The following GFRA1 variants were observed in gnomAD, a reference collection of about 807,000 sequenced individuals.
GFRA1 encodes the protein GDNF family receptor alpha 1.
In GFRA1, 16 loss-of-function variants were observed where a neutral mutation model predicts 51.6. The ratio of observed to expected loss-of-function variants is 0.31; its 90% CI spans 0.21 to 0.47. GFRA1 has a LOEUF of 0.47. Among genes scored for constraint, GFRA1 ranks in the 20% least tolerant of loss-of-function variants. The probability of loss-of-function intolerance (pLI) is 1.00; values close to 1 mark genes in which losing one functional copy is unlikely to be tolerated. For synonymous variants in GFRA1, 270 were observed against 241.3 expected (o/e 1.12, Z -1.10); for missense variants, 530 against 594.3 (o/e 0.89, Z 1.13).
At chr10:116,254,121 G>A (rs1442610384) in intron 4 of GFRA1, among the ~76,000 whole-genome samples, 1 of 151,858 alleles carries the variant, frequency 6.6e-6, no homozygotes, top group African/African-American at 2.4e-5. Context: ...AGGAGTTTGA[G>A]ACCAGCCTGG....
chr10:116,233,341 A>T (rs10885881), intron 4 of GFRA1, among the ~76,000 whole-genome samples: 87,982 of 151,414 alleles, frequency 0.58, 25,587 homozygotes, highest in African/African-American at 0.62. Context: ...AAAAAAAAAA[A>T]TTTTTTAATT....
At chr10:116,261,083 G>GTCA (rs1227048122) in intron 4 of GFRA1, among the ~76,000 whole-genome samples, 2 of 152,138 alleles carry the variant, frequency 1.3e-5, no homozygotes, top group African/African-American at 4.8e-5. Context: ...CTTAACTAAA[G>GTCA]TCAATGGCTG....
At chr10:116,086,760 C>A (rs1324347535) in intron 9 of GFRA1, among the ~76,000 whole-genome samples, 2 of 152,206 alleles carry the variant, frequency 1.3e-5, no homozygotes, top group African/African-American at 4.8e-5. Flanking sequence ...GCCTTCATGT[C>A]CCCCTCTGCC....
At chr10:116,076,066 T>G (rs1417424263) in intron 9 of GFRA1, among the ~76,000 whole-genome samples, 1 of 151,674 alleles carries the variant, frequency 6.6e-6, no homozygotes, top group East Asian at 1.9e-4. Context: ...TTAAAGTGAG[T>G]GTCGGACTGG....
chr10:116,227,374 T>C (rs1966374770), intron 4 of GFRA1, among the ~76,000 whole-genome samples: 1 of 152,152 alleles, frequency 6.6e-6, no homozygotes, highest in African/African-American at 2.4e-5. Context: ...AAGAAAGAAG[T>C]GGAGATGAAG....
intron 4 of GFRA1, among the ~76,000 whole-genome samples, chr10:116,268,486 T>G (rs1969846141): frequency 1.3e-5 from 2 of 152,198 alleles, no homozygotes; most frequent in South Asian, 4.1e-4. Flanking sequence ...CAGTAGGTGC[T>G]CAATGGATGT....
intron 6 of GFRA1, among the ~76,000 whole-genome samples, chr10:116,096,986 C>T (rs1332428183): frequency 6.6e-6 from 1 of 152,106 alleles, no homozygotes; most frequent in East Asian, 1.9e-4. Flanking sequence ...TTTCCCCAGC[C>T]CTCGCCCACC....
At chr10:116,248,051 G>C (rs1385478510) in intron 4 of GFRA1, among the ~76,000 whole-genome samples, 1 of 152,200 alleles carries the variant, frequency 6.6e-6, no homozygotes, top group Non-Finnish European at 1.5e-5. Flanking sequence ...ACAGGGGTTT[G>C]CTGTCCTCTT....
chr10:116,222,600 G>A (rs1021315071), intron 4 of GFRA1, among the ~76,000 whole-genome samples: 1 of 152,196 alleles, frequency 6.6e-6, no homozygotes, highest in African/African-American at 2.4e-5. Flanking sequence ...GTGATATGGG[G>A]CTGTTGTGAA....
At chr10:116,239,851 G>C (rs1473300866) in intron 4 of GFRA1, among the ~76,000 whole-genome samples, 1 of 152,120 alleles carries the variant, frequency 6.6e-6, no homozygotes, top group African/African-American at 2.4e-5. Flanking sequence ...CAAAATTTTT[G>C]AGAGTTAAAT....
chr10:116,238,591 T>C (rs943368897), intron 4 of GFRA1, among the ~76,000 whole-genome samples: 3 of 152,216 alleles, frequency 2.0e-5, no homozygotes, highest in Non-Finnish European at 2.9e-5. Context: ...GCTGTCTTGA[T>C]GGATAATAAG....
At chr10:116,273,425 G>GC (rs1283871219), upstream of GFRA1, 2 of 152,186 alleles carry the variant, frequency 1.3e-5, no homozygotes, top group African/African-American at 2.4e-5. Flanking sequence ...TGGAAGCGGC[G>GC]CGGAGAATGG....
At chr10:116,182,729 G>A (rs768472290) in intron 5 of GFRA1, among the ~76,000 whole-genome samples, 13 of 152,188 alleles carry the variant, frequency 8.5e-5, no homozygotes, top group Admixed American at 3.3e-4. Flanking sequence ...GGAGATAAAC[G>A]CAATGAACCT....
At position 116,093,640 on chromosome 10, in the gene GFRA1, C is replaced by T. The variant is rs539309837; in HGVS notation, c.1015+62G>A. 1.3e-5 allele frequency: 19 copies of T among 1,470,700 alleles called. No homozygotes were observed. In the Admixed American group the frequency reaches 2.2e-4, roughly 17 times the overall value. 91.1% of individuals were successfully genotyped at this position (1,470,700 alleles called of 1,614,324 possible). A position where few individuals can be genotyped will look rare whatever the true frequency, so the allele number is the denominator to read the frequency against. ...GTACAGGCACAAGGTACAAGAGGTACAGCTGGAGCTCGGAGAAGAAAATGC... is the reference window on the plus strand; with the variant it reads ...GTACAGGCACAAGGTACAAGAGGTATAGCTGGAGCTCGGAGAAGAAAATGC... On this transcript the variant is annotated intron_variant, in intron 8 of 10. Coordinates refer to ENST00000355422, the MANE Select transcript of GFRA1 (RefSeq NM_005264.8).
At chr10:116,183,746 C>G (rs999333476) in intron 5 of GFRA1, among the ~76,000 whole-genome samples, 5 of 152,212 alleles carry the variant, frequency 3.3e-5, no homozygotes, top group African/African-American at 1.2e-4. Flanking sequence ...ACACTCAGCA[C>G]CTTGCTCCCA....
At chr10:116,197,621 C>G (rs1486560500) in intron 5 of GFRA1, among the ~76,000 whole-genome samples, 1 of 152,168 alleles carries the variant, frequency 6.6e-6, no homozygotes, top group Non-Finnish European at 1.5e-5. Context: ...AAGACATCGA[C>G]TAACCCTATT....
At chr10:116,220,011 T>C (rs1041388377) in intron 4 of GFRA1, among the ~76,000 whole-genome samples, 1 of 152,180 alleles carries the variant, frequency 6.6e-6, no homozygotes, top group African/African-American at 2.4e-5. Flanking sequence ...TAAAGCACGA[T>C]GTTTTTAAGT....
chr10:116,220,986 C>CCATGATGT (rs776118585), intron 4 of GFRA1, among the ~76,000 whole-genome samples: 2 of 152,110 alleles, frequency 1.3e-5, no homozygotes, highest in Non-Finnish European at 2.9e-5. Context: ...GCTGAAAGGA[C>CCATGATGT]CATGATGTCA....
rs368622051 is a variant in GFRA1 at position 116,091,064 on chromosome 10, C to A, written c.1016-1142G>T. ...AGAAAGAGGCACACAGGGACCAGTT[C>A]CCTTAAATGCCCAGAAGAACCACCA... On this transcript the variant is annotated intron_variant, in intron 8 of 10. Coordinates refer to ENST00000355422, the MANE Select transcript of GFRA1 (RefSeq NM_005264.8). Among the ~76,000 whole-genome samples, 58 of 152,252 alleles carry A rather than the reference C, an allele frequency of 3.8e-4. No individual in the cohort carries two copies. The South Asian group carries it at 0.011, about 28-fold the overall frequency.
Sources: gnomAD v4.1 joint callset for allele counts (sites outside exome capture counted in the v4.1 genomes callset) on GRCh38, gnomAD v4.1.1 for gene constraint, MANE v1.5 for transcripts, NCBI Gene and HGNC (gene_info 2026-07-23, HGNC 2026-07-21) for gene names.